Variants in HCRTR2 observed in about 807,000 individuals in gnomAD.
HCRTR2 encodes orexin receptor type 2.
Under a neutral mutation model 49.0 loss-of-function variants are expected in HCRTR2, and 22 were observed. That is an observed-to-expected ratio of 0.45 (90% CI 0.32 to 0.64). The LOEUF (loss-of-function observed/expected upper bound fraction) is 0.64, where lower values mean the gene tolerates loss of function less well. Among genes scored for constraint, HCRTR2 ranks in the 30% least tolerant of loss-of-function variants. The probability of loss-of-function intolerance (pLI) is 0.04; values close to 1 mark genes in which losing one functional copy is unlikely to be tolerated. For missense variants in HCRTR2, 491 were observed against 559.4 expected, an observed-to-expected ratio of 0.88 and a Z score of 1.23; for synonymous variants, 236 against 205.3, an observed-to-expected ratio of 1.15 and a Z score of -1.28.
intron 1 of HCRTR2, among the ~76,000 whole-genome samples, chr6:55,130,376 T>C (rs1459535429): frequency 3.4e-5 from 5 of 147,596 alleles, no homozygotes; most frequent in Non-Finnish European, 7.4e-5. Context: ...AACCTTTTTT[T>C]TGTTGTTTTG....
intron 1 of HCRTR2, among the ~76,000 whole-genome samples, chr6:55,248,049 T>C (rs1208152567): frequency 6.6e-6 from 1 of 152,116 alleles, no homozygotes; most frequent in Admixed American, 6.6e-5. Flanking sequence ...CAGCTTCCTC[T>C]TTTATAAAAT....
chr6:55,262,057 A>G (rs188134786), intron 3 of HCRTR2, among the ~76,000 whole-genome samples: 2 of 152,104 alleles, frequency 1.3e-5, no homozygotes, highest in African/African-American at 4.8e-5. Context: ...GTTCTCACTC[A>G]TAAGTGGGAG....
intron 1 of HCRTR2, among the ~76,000 whole-genome samples, chr6:55,205,437 C>T (rs1765583927): frequency 2.0e-5 from 3 of 152,078 alleles, no homozygotes; most frequent in Admixed American, 6.6e-5. Context: ...TCAAATGCTA[C>T]TGATAAGTAA....
chr6:55,170,071 A>G (rs940721720), upstream of HCRTR2, among the ~76,000 whole-genome samples: 3 of 151,708 alleles, frequency 2.0e-5, no homozygotes, highest in African/African-American at 7.3e-5. Context: ...CCTGAGTTTG[A>G]GATTTATTTT....
At chr6:55,154,717 TA>T in intron 1 of HCRTR2, among the ~76,000 whole-genome samples, 1 of 146,310 alleles carries the variant, frequency 6.8e-6, no homozygotes, top group Non-Finnish European at 1.5e-5. Flanking sequence ...AATAAATAAA[TA>T]TAAATAAATA....
chr6:55,160,131 T>C (rs911785664), intron 1 of HCRTR2, among the ~76,000 whole-genome samples: 1 of 152,156 alleles, frequency 6.6e-6, no homozygotes, highest in Admixed American at 6.6e-5. Flanking sequence ...AGACTAACAG[T>C]GGATCTCCCT....
At chr6:55,220,970 T>C (rs1765879182) in intron 1 of HCRTR2, among the ~76,000 whole-genome samples, 1 of 152,140 alleles carries the variant, frequency 6.6e-6, no homozygotes, top group Non-Finnish European at 1.5e-5. Context: ...ATGACTAAAA[T>C]GTTTAGTAAT....
chr6:55,183,935 C>CT (rs557931425), intron 1 of HCRTR2, among the ~76,000 whole-genome samples: 416 of 148,730 alleles, frequency 2.8e-3, no homozygotes, highest in Non-Finnish European at 4.6e-3. Flanking sequence ...TTTCTTTTTA[C>CT]TTTTTTTTTT....
chr6:55,235,694 A>G (rs1766201013), intron 1 of HCRTR2, among the ~76,000 whole-genome samples: 1 of 152,226 alleles, frequency 6.6e-6, no homozygotes, highest in South Asian at 2.1e-4. Context: ...TTTTCTATGT[A>G]GATATCAATT....
chr6:55,186,181 C>T (rs529522647), intron 1 of HCRTR2, among the ~76,000 whole-genome samples: 23 of 152,072 alleles, frequency 1.5e-4, no homozygotes, highest in South Asian at 1.2e-3. Flanking sequence ...TCCTCAGTGC[C>T]GAGAACAGGT....
chr6:55,120,790 T>A (rs1158063310), intron 1 of HCRTR2, among the ~76,000 whole-genome samples: 2 of 152,060 alleles, frequency 1.3e-5, no homozygotes, highest in African/African-American at 4.8e-5. Flanking sequence ...CAATACTATG[T>A]TGAATAGGAG....
At chr6:55,223,515 A>T (rs570569030) in intron 1 of HCRTR2, among the ~76,000 whole-genome samples, 1 of 152,184 alleles carries the variant, frequency 6.6e-6, no homozygotes, top group Non-Finnish European at 1.5e-5. Context: ...GGAACAAACT[A>T]CACTTGCAAA....
intron 1 of HCRTR2, among the ~76,000 whole-genome samples, chr6:55,161,208 C>T (rs1369261521): frequency 6.6e-6 from 1 of 152,126 alleles, no homozygotes; most frequent in Admixed American, 6.6e-5. Context: ...TACATGGAAA[C>T]TGAACAACCT....
upstream of HCRTR2, among the ~76,000 whole-genome samples, chr6:55,169,583 G>A (rs1198405886): frequency 6.6e-6 from 1 of 151,896 alleles, no homozygotes; most frequent in Non-Finnish European, 1.5e-5. Flanking sequence ...TTTAGCTGAA[G>A]ACCATATTGT....
At chr6:55,277,633 G>C in intron 5 of HCRTR2, 33 bp downstream of exon 5, 1 of 1,437,944 alleles carries the variant, frequency 7.0e-7, no homozygotes, top group Non-Finnish European at 9.8e-7. Flanking sequence ...AAATGAAATA[G>C]CCTGCCTTTT....
intron 1 of HCRTR2, among the ~76,000 whole-genome samples, chr6:55,111,388 A>G (rs924305569): frequency 4.6e-5 from 7 of 152,200 alleles, no homozygotes; most frequent in Admixed American, 6.6e-5. Flanking sequence ...GTTTCTTTGA[A>G]AAGATAAAAT....
At chr6:55,232,154 A>T (rs9475206) in intron 1 of HCRTR2, among the ~76,000 whole-genome samples, 22,465 of 152,172 alleles carry the variant, frequency 0.15, 3,055 homozygotes, top group African/African-American at 0.36. Flanking sequence ...CTCAAAGAGC[A>T]TCCCCTCTTT....
chr6:55,224,148 G>A (rs879822356), intron 1 of HCRTR2, among the ~76,000 whole-genome samples: 11 of 152,212 alleles, frequency 7.2e-5, no homozygotes, highest in Non-Finnish European at 1.5e-4. Context: ...AATAAATTTT[G>A]TTTTATAAAC....
downstream of HCRTR2, among the ~76,000 whole-genome samples, chr6:55,283,161 CATT>C (rs1237966522): frequency 6.6e-6 from 1 of 152,170 alleles, no homozygotes; most frequent in Non-Finnish European, 1.5e-5. Flanking sequence ...TAAATCACAT[CATT>C]ATATTCTTTT....
Sources: allele counts gnomAD v4.1 joint callset (sites outside exome capture counted in the v4.1 genomes callset), GRCh38; gene constraint gnomAD v4.1.1; transcripts MANE v1.5; gene names NCBI Gene and HGNC (gene_info 2026-07-23, HGNC 2026-07-21).